Variants in GPHN observed in about 807,000 individuals in gnomAD.
GPHN encodes gephyrin.
A neutral mutation model predicts 95.5 loss-of-function variants in GPHN; 17 were observed. That is an observed-to-expected ratio of 0.18 (90% CI 0.12 to 0.27). The LOEUF (loss-of-function observed/expected upper bound fraction) is 0.27. GPHN is among the 10% of genes least tolerant of loss of function. The probability of loss-of-function intolerance (pLI) is 1.00; values close to 1 mark genes in which losing one functional copy is unlikely to be tolerated. For synonymous variants in GPHN, 320 were observed against 322.5 expected (o/e 0.99, Z 0.08); for missense variants, 660 against 978.1 (o/e 0.67, Z 4.34).
intron 10 of GPHN, among the ~76,000 whole-genome samples, chr14:67,046,710 G>A (rs1228053613): frequency 6.6e-6 from 1 of 152,084 alleles, no homozygotes; most frequent in Non-Finnish European, 1.5e-5. Flanking sequence ...GAGGCTCATT[G>A]TCTTGAATAA....
At chr14:67,108,542 T>G (rs1036608399) in intron 13 of GPHN, among the ~76,000 whole-genome samples, 1 of 152,212 alleles carries the variant, frequency 6.6e-6, no homozygotes, top group African/African-American at 2.4e-5. Flanking sequence ...CACTTAACAT[T>G]GTACCTAGCA....
At chr14:67,599,987 C>A in the GPHN span, 1 of 1,524,064 alleles carries the variant, frequency 6.6e-7, no homozygotes, top group Admixed American at 2.0e-5. Context: ...GCCGAACCCC[C>A]TCCTTCGAGC....
chr14:67,440,011 T>C, the GPHN span, among the ~76,000 whole-genome samples: 20 of 152,106 alleles, frequency 1.3e-4, no homozygotes, highest in African/African-American at 4.8e-4. Context: ...AATTTTCGTA[T>C]TTTTGGTAGA....
the GPHN span, chr14:67,663,076 T>C: frequency 1.4e-6 from 2 of 1,479,904 alleles, no homozygotes; most frequent in Non-Finnish European, 1.8e-6. Flanking sequence ...TTTCTCTGGG[T>C]GTGGCACCGG....
At chr14:67,058,194 CT>C (rs1191790338) in intron 10 of GPHN, among the ~76,000 whole-genome samples, 1 of 151,994 alleles carries the variant, frequency 6.6e-6, no homozygotes, top group Non-Finnish European at 1.5e-5. Context: ...TATTTCAATC[CT>C]TTTTTAAGTG....
chr14:66,773,724 A>G (rs552378746), intron 2 of GPHN, among the ~76,000 whole-genome samples: 3 of 152,058 alleles, frequency 2.0e-5, no homozygotes, highest in Non-Finnish European at 4.4e-5. Flanking sequence ...CACATCACTG[A>G]TGTAAGAGTT....
At chr14:66,650,709 G>A (rs1396817897) in intron 1 of GPHN, among the ~76,000 whole-genome samples, 1 of 152,174 alleles carries the variant, frequency 6.6e-6, no homozygotes, top group East Asian at 1.9e-4. Context: ...AATGTTTTGT[G>A]TGCTTTTGTT....
the GPHN span, among the ~76,000 whole-genome samples, chr14:67,621,515 A>G: frequency 2.7e-5 from 4 of 150,704 alleles, no homozygotes; most frequent in South Asian, 8.4e-4. Flanking sequence ...GAGTGCAGTG[A>G]TGCAATATTG....
the GPHN span, among the ~76,000 whole-genome samples, chr14:67,204,188 G>C: frequency 1.3e-5 from 2 of 152,164 alleles, no homozygotes; most frequent in Non-Finnish European, 2.9e-5. Flanking sequence ...TGTAATCCCA[G>C]TACTTTGGGA....
chr14:66,842,415 CAT>C (rs2062137372), intron 4 of GPHN, among the ~76,000 whole-genome samples: 4 of 152,248 alleles, frequency 2.6e-5, no homozygotes, highest in African/African-American at 9.6e-5. Flanking sequence ...GTGGTGTAAA[CAT>C]ATGAGTGAAT....
intron 8 of GPHN, among the ~76,000 whole-genome samples, chr14:66,928,291 C>A (rs1033335679): frequency 3.3e-5 from 5 of 152,102 alleles, no homozygotes; most frequent in Non-Finnish European, 7.4e-5. Context: ...TCCACTACTT[C>A]TAGGTTTTCC....
chr14:66,594,523 G>A lies in GPHN; in HGVS notation c.64+85932G>A, dbSNP rs989854399. On this transcript the variant is annotated intron_variant, in intron 1 of 22. Transcript: ENST00000478722. Reference sequence around the variant, plus strand: ...CCAGAAAAAAATCCACACATTTATCGCCAATTGATTGTTGATAAAAACGCC... The same window carrying A: ...CCAGAAAAAAATCCACACATTTATCACCAATTGATTGTTGATAAAAACGCC... Among the ~76,000 whole-genome samples, 9 of 152,054 alleles carry A rather than the reference G, an allele frequency of 5.9e-5. No homozygotes were observed. The East Asian group carries it at 9.6e-4, about 16-fold the overall frequency.
chr14:67,512,726 T>A, the GPHN span, among the ~76,000 whole-genome samples: 2 of 151,972 alleles, frequency 1.3e-5, no homozygotes, highest in Admixed American at 1.3e-4. Flanking sequence ...TCGGAGACCC[T>A]CCTCAGAAAC....
At chr14:66,601,067 A>C (rs1244145154) in intron 1 of GPHN, among the ~76,000 whole-genome samples, 1 of 152,074 alleles carries the variant, frequency 6.6e-6, no homozygotes, top group African/African-American at 2.4e-5. Context: ...TATAACACAT[A>C]CTATACAATA....
chr14:67,589,894 C>T, the GPHN span: 1 of 1,258,674 alleles, frequency 7.9e-7, no homozygotes, highest in African/African-American at 1.5e-5. Context: ...AAGGAAAACA[C>T]TATAATACAC....
At chr14:67,026,587 T>G (rs757641941) in intron 10 of GPHN, among the ~76,000 whole-genome samples, 3 of 152,196 alleles carry the variant, frequency 2.0e-5, no homozygotes, top group African/African-American at 7.2e-5. Flanking sequence ...AAATGGTATA[T>G]GAGTTGAAGC....
Position 66,735,621 on chromosome 14 carries a change from G to T in GPHN, c.144-40843G>T, listed in dbSNP as rs548941567. On this transcript the variant is annotated intron_variant, in intron 2 of 22. Coordinates refer to ENST00000478722, the MANE Select transcript of GPHN (RefSeq NM_020806.5). ...AGAACTATTAGATACTTCTTTTACTGGGTGCCATGAAAACATTATTGAGAC... is the reference window on the plus strand; with the variant it reads ...AGAACTATTAGATACTTCTTTTACTTGGTGCCATGAAAACATTATTGAGAC... 2.6e-5 allele frequency among the ~76,000 whole-genome samples: 4 copies of T among 152,124 alleles called. No homozygotes were observed. In the South Asian group the frequency reaches 8.3e-4, roughly 32 times the overall value.
At chr14:66,925,020 A>C (rs1443929732) in intron 8 of GPHN, among the ~76,000 whole-genome samples, 3 of 152,170 alleles carry the variant, frequency 2.0e-5, no homozygotes, top group Non-Finnish European at 4.4e-5. Flanking sequence ...ATAAAGTGAA[A>C]TTTGGTTTTA....
chr14:66,913,285 CTA>C (rs1229584804), intron 5 of GPHN, among the ~76,000 whole-genome samples: 2 of 152,038 alleles, frequency 1.3e-5, no homozygotes, highest in Admixed American at 6.6e-5. Context: ...TTTTTTAACT[CTA>C]TGCTTTTGCA....
Sources: gnomAD v4.1 joint callset for allele counts (sites outside exome capture counted in the v4.1 genomes callset) on GRCh38, gnomAD v4.1.1 for gene constraint, MANE v1.5 for transcripts, NCBI Gene and HGNC (gene_info 2026-07-23, HGNC 2026-07-21) for gene names.